KAZN: variants seen among roughly 807,000 people sequenced by gnomAD.
The protein encoded by KAZN is kazrin, periplakin interacting protein.
A neutral mutation model predicts 87.4 loss-of-function variants in KAZN; 40 were observed. The observed-to-expected ratio is 0.46, with a 90% confidence interval of 0.36 to 0.60. KAZN has a LOEUF of 0.60. KAZN is among the 20% of genes least tolerant of loss of function. The pLI, the probability that KAZN is intolerant of heterozygous loss-of-function variation, is 0.00. For synonymous variants in KAZN, 466 were observed against 458.3 expected (o/e 1.02, Z -0.22); for missense variants, 898 against 1,073.9 (o/e 0.84, Z 2.29).
chr1:14,816,748 A>G (rs1268924058), intron 1 of KAZN, among the ~76,000 whole-genome samples: 1 of 152,244 alleles, frequency 6.6e-6, no homozygotes, highest in Non-Finnish European at 1.5e-5. Flanking sequence ...AAATATAGAT[A>G]GATTATAGAA....
intron 1 of KAZN, among the ~76,000 whole-genome samples, chr1:14,048,662 C>T (rs1642180865): frequency 6.6e-6 from 1 of 152,306 alleles, no homozygotes; most frequent in East Asian, 1.9e-4. Flanking sequence ...ACCTCGGCCT[C>T]TCAAAGTGCT....
In KAZN at chr1:14,876,302, G is replaced by A. The variant is rs1276506164; in HGVS notation, c.227-84382G>A. 2.6e-5 allele frequency among the ~76,000 whole-genome samples: 4 copies of A among 152,286 alleles called. 1 individual carries two copies. The highest frequency in any genetic ancestry group is 3.9e-4 in the East Asian group (2 of 5,194). On this transcript the variant is annotated intron_variant, in intron 1 of 14. Coordinates refer to ENST00000376030, the MANE Select transcript of KAZN (RefSeq NM_201628.3). ...TGTGGTAGCTGCGTTTATTACATGC[G>A]CAAATGCAGCCAGCAGCCAGAATGA...
rs536611387 is a variant in KAZN at position 14,896,256 on chromosome 1, T to C, written c.227-64428T>C. Reference sequence around the variant, plus strand: ...TTTTAGTAGAGACAGGGTTTCACCATGTTGGCCAGGATGGTCTCAATCTCT... The same window carrying C: ...TTTTAGTAGAGACAGGGTTTCACCACGTTGGCCAGGATGGTCTCAATCTCT... On this transcript the variant is annotated intron_variant, in intron 1 of 14. Coordinates refer to ENST00000376030, the MANE Select transcript of KAZN (RefSeq NM_201628.3). Among the ~76,000 whole-genome samples, 6 of 152,294 alleles carry C rather than the reference T, an allele frequency of 3.9e-5. No homozygotes were observed. In the South Asian group the frequency reaches 1.2e-3, roughly 32 times the overall value.
intron 1 of KAZN, among the ~76,000 whole-genome samples, chr1:14,084,761 G>A (rs1643801926): frequency 2.0e-5 from 3 of 151,528 alleles, no homozygotes; most frequent in Non-Finnish European, 4.4e-5. Context: ...GATAGCATTA[G>A]GAGATATACC....
At chr1:14,818,607 C>T (rs187531338) in intron 1 of KAZN, among the ~76,000 whole-genome samples, 3 of 152,086 alleles carry the variant, frequency 2.0e-5, no homozygotes, top group African/African-American at 7.3e-5. Context: ...AATGCAAAGG[C>T]AGGCTGCACC....
intron 1 of KAZN, among the ~76,000 whole-genome samples, chr1:13,904,722 C>T (rs1345139414): frequency 1.3e-5 from 2 of 152,122 alleles, no homozygotes; most frequent in Non-Finnish European, 2.9e-5. Context: ...AGTTTCACTA[C>T]AGTGTAGCTA....
rs1277980372 is a variant in KAZN at position 14,514,582 on chromosome 1, AT to A, written c.250-84394del. Among the ~76,000 whole-genome samples, 57 of 117,804 alleles carry A rather than the reference AT, an allele frequency of 4.8e-4. No individual in the cohort carries two copies. In the East Asian group the frequency reaches 7.6e-3, roughly 16 times the overall value. 77.3% of individuals were successfully genotyped at this position (117,804 alleles called of 152,430 possible). Reference sequence around the variant, plus strand: ...TATATATTTTCTATATATTTTATATATTTTTTTATATTTTATATATATATAT... The same window carrying A: ...TATATATTTTCTATATATTTTATATATTTTTTATATTTTATATATATATAT... On this transcript the variant is annotated intron_variant, in intron 2 of 16. Transcript: ENST00000636203.
intron 2 of KAZN, among the ~76,000 whole-genome samples, chr1:14,581,699 C>T (rs1208170977): frequency 1.3e-5 from 2 of 152,208 alleles, no homozygotes; most frequent in African/African-American, 2.4e-5. Flanking sequence ...CACCTCCCTT[C>T]ATTCCACTCC....
At chr1:14,073,563 C>G (rs935580789) in intron 1 of KAZN, among the ~76,000 whole-genome samples, 5 of 152,092 alleles carry the variant, frequency 3.3e-5, no homozygotes, top group Non-Finnish European at 5.9e-5. Flanking sequence ...CCCCCACCCC[C>G]AAACAGGCCC....
intron 1 of KAZN, among the ~76,000 whole-genome samples, chr1:14,853,717 C>T (rs1649740327): frequency 6.6e-6 from 1 of 152,190 alleles, no homozygotes; most frequent in African/African-American, 2.4e-5. Flanking sequence ...CCTCTCCCAG[C>T]CAGTCCCACC....
In KAZN at chr1:14,996,818, G is replaced by A. The variant is rs1667916858; in HGVS notation, c.418+35943G>A. Among the ~76,000 whole-genome samples the A allele has an allele frequency of 6.6e-6, 1 of 152,210 alleles. No homozygotes were observed. Among genetic ancestry groups the A allele is most frequent in the Admixed American group, 6.5e-5 (1 of 15,290 alleles). ...GCCTCCCCGCTCCTGGTGCTCCAGGGCCTGCATGTGGGGCACTGGGAGGGA... is the reference window on the plus strand; with the variant it reads ...GCCTCCCCGCTCCTGGTGCTCCAGGACCTGCATGTGGGGCACTGGGAGGGA... On this transcript the variant is annotated intron_variant, in intron 2 of 14. Transcript: ENST00000376030. This position sits in a 1 kb window ranked among gnomAD's most constrained non-coding sequence, Gnocchi z 5.9.
At position 14,089,055 on chromosome 1, in the gene KAZN, G is replaced by GAGA. The variant is rs550292044; in HGVS notation, c.92-91377_92-91375dup. Among the ~76,000 whole-genome samples, 985 of 150,374 alleles carry GAGA rather than the reference G, an allele frequency of 6.6e-3. 10 individuals carry two copies. The South Asian group carries it at 0.066, about 10-fold the overall frequency. ...GCAATTTTAGGTCTACAGCAAAACT[G>GAGA]AGAAGGTGCAAAGATTTCCATATTC... On this transcript the variant is annotated intron_variant, in intron 1 of 16. Transcript: ENST00000636203.
intron 2 of KAZN, among the ~76,000 whole-genome samples, chr1:14,190,026 C>T (rs1290002420): frequency 6.6e-6 from 1 of 152,050 alleles, no homozygotes; most frequent in East Asian, 1.9e-4. Flanking sequence ...AGCTGGAGGA[C>T]ATAATTTAAG....
At chr1:14,440,858 G>A (rs914529149) in intron 2 of KAZN, among the ~76,000 whole-genome samples, 8 of 152,184 alleles carry the variant, frequency 5.3e-5, no homozygotes, top group Non-Finnish European at 1.2e-4. Flanking sequence ...CTATGACTTA[G>A]CAATAGAAAA....
intron 2 of KAZN, among the ~76,000 whole-genome samples, chr1:14,386,810 A>G (rs1661946682): frequency 6.6e-6 from 1 of 151,948 alleles, no homozygotes; most frequent in Non-Finnish European, 1.5e-5. Flanking sequence ...GCTCTTCTCA[A>G]GGAGTATCTT....
At chr1:14,993,590 G>A (rs1354965004) in intron 2 of KAZN, among the ~76,000 whole-genome samples, 1 of 152,152 alleles carries the variant, frequency 6.6e-6, no homozygotes, top group South Asian at 2.1e-4. Context: ...TTCTCGGCCT[G>A]CACTCTCCCC....
chr1:14,213,533 G>A (rs1021193190), intron 2 of KAZN, among the ~76,000 whole-genome samples: 1 of 152,188 alleles, frequency 6.6e-6, no homozygotes, highest in Non-Finnish European at 1.5e-5. Context: ...CACCTGCCAT[G>A]TTTGCAGAGT....
At chr1:14,379,986 T>G (rs1661238565) in intron 2 of KAZN, among the ~76,000 whole-genome samples, 1 of 152,030 alleles carries the variant, frequency 6.6e-6, no homozygotes, top group South Asian at 2.1e-4. Flanking sequence ...CACAGAGGTG[T>G]TTATATCACC....
chr1:14,695,764 A>G (rs1013364008), intron 1 of KAZN, among the ~76,000 whole-genome samples: 1 of 151,778 alleles, frequency 6.6e-6, no homozygotes. Context: ...TTGGCCTCCC[A>G]AAGTGCTGGG....
Sources: allele counts gnomAD v4.1 joint callset (sites outside exome capture counted in the v4.1 genomes callset), GRCh38; gene constraint gnomAD v4.1.1; non-coding constraint Gnocchi (gnomAD v3.1); transcripts MANE v1.5; gene names NCBI Gene and HGNC (gene_info 2026-07-23, HGNC 2026-07-21).